Variants in SCN9A observed in about 807,000 individuals in gnomAD.
SCN9A encodes the protein sodium voltage-gated channel alpha subunit 9, also known as sodium channel protein type 9 subunit alpha.
A neutral mutation model predicts 187.0 loss-of-function variants in SCN9A; 131 were observed. That is an observed-to-expected ratio of 0.70 (90% CI 0.61 to 0.81). The LOEUF (loss-of-function observed/expected upper bound fraction) is 0.81. Ranked by LOEUF, SCN9A falls within the 30% of genes least tolerant of loss-of-function variation. The pLI, the probability that SCN9A is intolerant of heterozygous loss-of-function variation, is 0.00. For synonymous variants in SCN9A, 809 were observed against 808.6 expected, an observed-to-expected ratio of 1.00 and a Z score of -0.01; for missense variants, 2,252 against 2,396.6, an observed-to-expected ratio of 0.94 and a Z score of 1.26.
Position 166,311,573 on chromosome 2 carries a change from T to A in SCN9A, c.184A>T (p.Ile62Phe). The A allele has an allele frequency of 6.2e-7, 1 of 1,613,302 alleles. No homozygotes were observed. The highest frequency in any genetic ancestry group is 8.5e-7 in the Non-Finnish European group (1 of 1,179,736). ...DLEAGKQLPF[I>F]YGDIPPGMVS... Reference sequence around the variant, plus strand: ...ATGCCGGGAGGAATGTCCCCATAGATGAAGGGCAGCTGTTTGCCAGCTTCC... The same window carrying A: ...ATGCCGGGAGGAATGTCCCCATAGAAGAAGGGCAGCTGTTTGCCAGCTTCC... The change falls in exon 2 of 27, where the codon ATC becomes TTC. Residue 62 changes from isoleucine to phenylalanine, a missense_variant. This residue lies in a region of SCN9A where 1,013 missense variants were observed against 997.4 expected (regional missense o/e 1.02). Transcript: ENST00000642356.
At chr2:166,259,375 T>C (rs1696410884) in intron 17 of SCN9A, 4 of 151,754 alleles carry the variant, frequency 2.6e-5, no homozygotes, top group Admixed American at 2.6e-4. Flanking sequence ...TTTAAAGTCA[T>C]ATACCTGTAA....
At chr2:166,207,457 T>TG (rs1693865819) in intron 24 of SCN9A, among the ~76,000 whole-genome samples, 1 of 151,586 alleles carries the variant, frequency 6.6e-6, no homozygotes, top group African/African-American at 2.4e-5. Context: ...TTGTTGTTGT[T>TG]TTTGATGGAG....
intron 17 of SCN9A, chr2:166,259,182 G>A (rs933427463): frequency 6.6e-6 from 1 of 151,710 alleles, no homozygotes. Context: ...AAAAAATATC[G>A]TATGTATGAT....
intron 20 of SCN9A, among the ~76,000 whole-genome samples, chr2:166,236,029 A>G (rs1695303752): frequency 1.3e-5 from 2 of 152,114 alleles, no homozygotes; most frequent in Non-Finnish European, 2.9e-5. Context: ...ATAATATTTT[A>G]AAGATTTTAA....
chr2:166,270,913 G>T (rs1696952303), intron 17 of SCN9A, among the ~76,000 whole-genome samples: 1 of 151,922 alleles, frequency 6.6e-6, no homozygotes, highest in Non-Finnish European at 1.5e-5. Flanking sequence ...ACATGAGCTA[G>T]AGAAAACAAA....
intron 1 of SCN9A, among the ~76,000 whole-genome samples, chr2:166,317,792 C>T (rs566022284): frequency 6.6e-6 from 1 of 152,166 alleles, no homozygotes; most frequent in Non-Finnish European, 1.5e-5. Context: ...TTCAAATTTC[C>T]ATTGCAGTAA....
At chr2:166,203,369 C>A (rs866001343) in intron 26 of SCN9A, among the ~76,000 whole-genome samples, 2 of 151,716 alleles carry the variant, frequency 1.3e-5, no homozygotes, top group African/African-American at 2.4e-5. Flanking sequence ...GAAAAACAAC[C>A]ATGGCAATGA....
At chr2:166,277,390 T>G (rs1440038290) in intron 15 of SCN9A, 51 bp from the exon 16 acceptor site, 1 of 1,263,754 alleles carries the variant, frequency 7.9e-7, no homozygotes, top group East Asian at 2.4e-5. Context: ...ATCTTTTCAA[T>G]GTTTCCAATC....
rs200056934 is a variant in SCN9A, at chr2:166,311,699, G to A, written c.58C>T (p.Leu20Phe). The change falls in exon 2 of 27, where the codon CTT becomes TTT. Residue 20 changes from leucine to phenylalanine, a missense_variant. This residue lies in a region of SCN9A where 1,013 missense variants were observed against 997.4 expected (regional missense o/e 1.02). Transcript: ENST00000642356. ...GCAATGCGTTGTTCAATGAGGGCAA[G>A]AGACTGTTTTGTGAAATGGACAAAG... is the stretch of plus-strand genomic sequence containing the variant. ...QSFVHFTKQS[L>F]ALIEQRIAER... The A allele has an allele frequency of 1.3e-5, 21 of 1,612,786 alleles. No homozygotes were observed. Among genetic ancestry groups the A allele is most frequent in the Non-Finnish European group, 1.8e-5 (21 of 1,179,256 alleles).
Position 166,219,801 on chromosome 2 carries a change from CT to C in SCN9A, c.4398+6765del, listed in dbSNP as rs374763077. ...TATTTCAAAATTGCTAAAAGAATAG[CT>C]TTTTAACTTTCTTACCACAAAAAAA... On this transcript the variant is annotated intron_variant, in intron 24 of 26. Transcript: ENST00000642356. Among the ~76,000 whole-genome samples, 55 of 152,084 alleles carry C rather than the reference CT, an allele frequency of 3.6e-4. No homozygotes were observed. In the East Asian group the frequency reaches 9.7e-3, roughly 27 times the overall value.
intron 1 of SCN9A, among the ~76,000 whole-genome samples, chr2:166,323,298 TA>T (rs1699286866): frequency 6.6e-6 from 1 of 152,174 alleles, no homozygotes; most frequent in South Asian, 2.1e-4. Flanking sequence ...TCCAGAGTTT[TA>T]GAGACTCTGT....
At chr2:166,245,547 C>G (rs1695750065) in intron 18 of SCN9A, among the ~76,000 whole-genome samples, 1 of 151,780 alleles carries the variant, frequency 6.6e-6, no homozygotes, top group Non-Finnish European at 1.5e-5. Flanking sequence ...ATGATTGAAA[C>G]ATTGAAAAAT....
rs55944714 is a variant in SCN9A, at chr2:166,286,276, A to G, written c.1602+60T>C. 0.011 allele frequency: 15,919 copies of G among 1,494,026 alleles called. 699 individuals carry two copies. The African/African-American group carries it at 0.13, about 12-fold the overall frequency. The allele number at this position is 1,494,026 out of a possible 1,614,324, so 92.5% of individuals were successfully genotyped here. On this transcript the variant is annotated intron_variant, in intron 11 of 26. Transcript: ENST00000642356. ...CTCCCGAGTTCTCTTACCCTAAAATAAGACATTTTTCTCTAGCATTCTGCC... is the reference window on the plus strand; with the variant it reads ...CTCCCGAGTTCTCTTACCCTAAAATGAGACATTTTTCTCTAGCATTCTGCC...
In SCN9A at chr2:166,303,078, G is replaced by C; in HGVS notation, c.901+12C>G. 1.9e-6 allele frequency: 3 copies of C among 1,543,452 alleles called. No individual in the cohort carries two copies. Among genetic ancestry groups the C allele is most frequent in the Non-Finnish European group, 2.7e-6 (3 of 1,125,736 alleles). On this transcript the variant is annotated intron_variant, in intron 7 of 26. Transcript: ENST00000642356. Reference sequence around the variant, plus strand: ...TATTTCAACCTAATAACAAATGCAAGGACATTCTTACTTCTAAAGTCTTCT... The same window carrying C: ...TATTTCAACCTAATAACAAATGCAACGACATTCTTACTTCTAAAGTCTTCT...
chr2:166,370,213 T>TC (rs764445619), intron 1 of SCN9A, among the ~76,000 whole-genome samples: 4,123 of 117,442 alleles, frequency 0.035, 76 homozygotes, highest in African/African-American at 0.045. Flanking sequence ...ATAATAATAA[T>TC]AATAATAATA....
At chr2:166,340,534 TTCTTTCCC>T (rs1460857296) in intron 1 of SCN9A, among the ~76,000 whole-genome samples, 2 of 107,314 alleles carry the variant, frequency 1.9e-5, no homozygotes, top group East Asian at 3.2e-4. Context: ...CTCCTTTCTT[TTCTTTCCC>T]TTTCTTTCTT....
At chr2:166,252,284 A>T (rs1028012533) in intron 17 of SCN9A, among the ~76,000 whole-genome samples, 4 of 152,038 alleles carry the variant, frequency 2.6e-5, no homozygotes, top group African/African-American at 9.7e-5. Flanking sequence ...GCAATATAAT[A>T]CAAGTGTCAA....
chr2:166,198,889 A>G lies in SCN9A; in HGVS notation c.5750T>C (p.Ile1917Thr), dbSNP rs200876442. The G allele has an allele frequency of 5.0e-6, 8 of 1,613,456 alleles. No homozygotes were observed. The highest frequency in any genetic ancestry group is 6.8e-6 in the Non-Finnish European group (8 of 1,179,580). The change falls in exon 27 of 27, where the codon ATA (isoleucine) becomes ACA (threonine). Residue 1917 changes from isoleucine (I) to threonine (T), a missense_variant. Around this residue, in one of 7 missense-constraint regions of SCN9A, gnomAD observed 345 missense variants for 344.6 expected, o/e 1.00. Transcript: ENST00000642356. ...QNVKNISSIY[I>T]KDGDRDDDLL... Reference sequence around the variant, plus strand: ...ATCATCATCTCTGTCTCCATCTTTTATGTATATACTTGATATATTTTTGAC... The same window carrying G: ...ATCATCATCTCTGTCTCCATCTTTTGTGTATATACTTGATATATTTTTGAC...
chr2:166,285,606 G>T lies in SCN9A; in HGVS notation c.1602+730C>A, dbSNP rs558640359. 5.9e-5 allele frequency among the ~76,000 whole-genome samples: 9 copies of T among 152,240 alleles called. No individual in the cohort carries two copies. The South Asian group carries it at 1.9e-3, about 32-fold the overall frequency. ...GTTCAAGTGAAATTTTGAAGGCAGG[G>T]ACTCTATCTTTTTTTACTGTGTATA... On this transcript the variant is annotated intron_variant, in intron 11 of 26. Transcript: ENST00000642356.
Sources: gnomAD v4.1 joint callset for allele counts (sites outside exome capture counted in the v4.1 genomes callset) on GRCh38, gnomAD v4.1.1 for gene constraint, gnomAD v4.1.1 regional missense constraint, MANE v1.5 for transcripts, NCBI Gene and HGNC (gene_info 2026-07-23, HGNC 2026-07-21) for gene names.